TMEM40: variants seen among roughly 807,000 people sequenced by gnomAD.
The protein encoded by TMEM40 is transmembrane protein 40.
TMEM40 carries 34 observed loss-of-function variants against 40.8 expected under a neutral mutation model. The observed-to-expected ratio is 0.83, with a 90% CI of 0.63 to 1.11. The LOEUF is 1.11. Ranked by LOEUF, TMEM40 falls within the 50% of genes least tolerant of loss-of-function variation. The pLI is 0.00. For synonymous variants in TMEM40, 106 were observed against 107.0 expected (o/e 0.99, Z 0.06); for missense variants, 296 against 280.2 (o/e 1.06, Z -0.40).
At chr3:12,765,717 C>T (rs1291884673) in intron 1 of TMEM40, among the ~76,000 whole-genome samples, 1 of 151,864 alleles carries the variant, frequency 6.6e-6, no homozygotes, top group Non-Finnish European at 1.5e-5. Flanking sequence ...CTACAGGCGC[C>T]TGCCACCACG....
chr3:12,763,596 C>A (rs1042860632), upstream of TMEM40, among the ~76,000 whole-genome samples: 9 of 152,196 alleles, frequency 5.9e-5, no homozygotes, highest in African/African-American at 1.9e-4. Context: ...CGGGGGCCTG[C>A]CTGACTCAGC....
intron 10 of TMEM40, 116 bp from the exon 11 acceptor site, chr3:12,735,733 G>C: frequency 1.2e-6 from 1 of 810,544 alleles, no homozygotes; most frequent in Non-Finnish European, 2.0e-6. Context: ...GGAACTTCAG[G>C]CAGCAGGTTA....
rs188865974 is a variant in TMEM40 at position 12,749,860 on chromosome 3, C to T, written c.-8-20G>A. On this transcript the variant is annotated intron_variant, in intron 1 of 11. Transcript: ENST00000314124. ...CTTTTCCTGGAGGAATAACAATAAT[C>T]AGTAGTTAATATCACCTTAGTTAAT... The T allele has an allele frequency of 1.1e-5, 17 of 1,606,782 alleles. No individual in the cohort carries two copies. The African/African-American group carries it at 2.0e-4, about 19-fold the overall frequency.
intron 8 of TMEM40, 113 bp from the exon 9 acceptor site, chr3:12,736,948 A>T (rs1158654037): frequency 7.7e-7 from 1 of 1,293,190 alleles, no homozygotes; most frequent in African/African-American, 1.5e-5. Flanking sequence ...GTGCGATCCC[A>T]GCTCATTGCA....
intron 1 of TMEM40, among the ~76,000 whole-genome samples, chr3:12,764,855 TTTTAATA>T (rs2061586892): frequency 6.6e-6 from 1 of 152,178 alleles, no homozygotes; most frequent in Non-Finnish European, 1.5e-5. Flanking sequence ...GGTTTACATA[TTTTAATA>T]TTTAAGTTTT....
At chr3:12,743,252 G>C (rs981096594) in intron 4 of TMEM40, among the ~76,000 whole-genome samples, 2 of 152,230 alleles carry the variant, frequency 1.3e-5, no homozygotes, top group Non-Finnish European at 2.9e-5. Context: ...TAGATCACTT[G>C]AGTCCAGGTG....
chr3:12,763,817 C>T (rs2061583137), upstream of TMEM40, among the ~76,000 whole-genome samples: 1 of 152,196 alleles, frequency 6.6e-6, no homozygotes, highest in Non-Finnish European at 1.5e-5. Flanking sequence ...CAGTGACTTC[C>T]TAGGTCTGAG....
chr3:12,764,763 G>A (rs2061586463), intron 1 of TMEM40, among the ~76,000 whole-genome samples: 1 of 152,148 alleles, frequency 6.6e-6, no homozygotes, highest in Admixed American at 6.5e-5. Flanking sequence ...TCAGATGCCT[G>A]TGTCCCTGCA....
At chr3:12,748,062 A>G (rs1218446325) in intron 3 of TMEM40, among the ~76,000 whole-genome samples, 2 of 152,206 alleles carry the variant, frequency 1.3e-5, no homozygotes, top group Non-Finnish European at 2.9e-5. Flanking sequence ...GAGCATGATA[A>G]ACCTGGGAGG....
intron 5 of TMEM40, 109 bp from the exon 6 acceptor site, chr3:12,738,697 G>A (rs764671471): frequency 9.7e-6 from 12 of 1,231,896 alleles, no homozygotes; most frequent in Non-Finnish European, 1.4e-5. Flanking sequence ...TTAATCTGGA[G>A]TCGGCCAGGT....
chr3:12,765,322 GA>G (rs1167829912), intron 1 of TMEM40, among the ~76,000 whole-genome samples: 8 of 151,768 alleles, frequency 5.3e-5, no homozygotes, highest in African/African-American at 1.9e-4. Flanking sequence ...GATCAAAGTG[GA>G]TTTTTTTTTT....
chr3:12,738,080 C>T, intron 7 of TMEM40, 56 bp downstream of exon 7: 1 of 1,607,260 alleles, frequency 6.2e-7, no homozygotes, highest in Admixed American at 1.7e-5. Flanking sequence ...AGGACCCAAC[C>T]CATCGTCTGG....
intron 1 of TMEM40, among the ~76,000 whole-genome samples, chr3:12,756,575 T>C (rs2061529218): frequency 6.6e-6 from 1 of 152,144 alleles, no homozygotes; most frequent in Non-Finnish European, 1.5e-5. Flanking sequence ...ATTTGAAGAT[T>C]AATAGGAAGA....
chr3:12,760,864 G>T (rs1288338642), upstream of TMEM40, among the ~76,000 whole-genome samples: 2 of 151,886 alleles, frequency 1.3e-5, no homozygotes, highest in Admixed American at 1.3e-4. Flanking sequence ...ACCTCAGCCT[G>T]CTGAGGAGCT....
chr3:12,756,726 GTC>G (rs1437871774), intron 1 of TMEM40, among the ~76,000 whole-genome samples: 1 of 151,974 alleles, frequency 6.6e-6, no homozygotes, highest in Non-Finnish European at 1.5e-5. Context: ...TGGAATCTCA[GTC>G]TCTGTTTCTT....
chr3:12,735,598 G>C lies in TMEM40; in HGVS notation c.639C>G (p.Val213=). The C allele has an allele frequency of 6.2e-7, 1 of 1,613,496 alleles. No homozygotes were observed. Among genetic ancestry groups the C allele is most frequent in the Non-Finnish European group, 8.5e-7 (1 of 1,179,856 alleles). ...YFGLVYRIHS[V]LQGFIPLFQK... The stretch of plus-strand genomic sequence containing the variant: ...GGAAGAGGGGGATGAAGCCTTGGAG[G>C]ACGCTGTGGATACGGTACACTGCTC... The change falls in exon 11 of 12, where the codon GTC becomes GTG. Residue 213 remains valine (V), a synonymous_variant. Coordinates refer to ENST00000314124, the MANE Select transcript of TMEM40 (RefSeq NM_018306.4).
intron 3 of TMEM40, among the ~76,000 whole-genome samples, chr3:12,745,436 T>C (rs2061419974): frequency 6.6e-6 from 1 of 151,908 alleles, no homozygotes; most frequent in Non-Finnish European, 1.5e-5. Context: ...TTTAGCTTTC[T>C]CTGTGATATA....
rs759003406 is a variant in TMEM40, at chr3:12,736,819, G to A, written c.489C>T (p.Phe163=). Residue 163 remains phenylalanine, a synonymous_variant, in exon 9 of 12, where the codon TTC becomes TTT. Transcript: ENST00000314124. ...NIKKDDEFFH[F]VLLCFAIGAL... ...CCCCGATGGCAAAGCACAGGAGGACGAAATGGAAAAACTCATCTGTGAAGG... is the reference window on the plus strand; with the variant it reads ...CCCCGATGGCAAAGCACAGGAGGACAAAATGGAAAAACTCATCTGTGAAGG... The A allele has an allele frequency of 9.3e-6, 15 of 1,614,022 alleles. No homozygotes were observed. Among genetic ancestry groups the A allele is most frequent in the African/African-American group, 8.0e-5 (6 of 74,922 alleles).
At position 12,743,977 on chromosome 3, in the gene TMEM40, T is replaced by C; in HGVS notation, c.224A>G (p.Glu75Gly). The C allele has an allele frequency of 6.2e-7, 1 of 1,612,256 alleles. No individual in the cohort carries two copies. Among genetic ancestry groups the C allele is most frequent in the South Asian group, 1.1e-5 (1 of 90,294 alleles). Reference protein sequence around the residue: ...SSSSSSESNDEDQQPRATGKH... With the variant: ...SSSSSSESNDGDQQPRATGKH... ...TCCGGTTGCTCTGGGTTGCTGGTCCTCATCATTGCTCTCTGCGGGTAACAA... is the reference window on the plus strand; with the variant it reads ...TCCGGTTGCTCTGGGTTGCTGGTCCCCATCATTGCTCTCTGCGGGTAACAA... Residue 75 changes from glutamate to glycine, a missense_variant, in exon 4 of 12, where the codon GAG becomes GGG. Transcript: ENST00000314124.
Sources: allele counts gnomAD v4.1 joint callset (sites outside exome capture counted in the v4.1 genomes callset), GRCh38; gene constraint gnomAD v4.1.1; transcripts MANE v1.5; gene names NCBI Gene and HGNC (gene_info 2026-07-23, HGNC 2026-07-21).